The following TNS3 variants were observed in gnomAD, a reference collection of about 807,000 sequenced individuals.
The protein encoded by TNS3 is tensin-3.
A neutral mutation model predicts 140.9 loss-of-function variants in TNS3; 45 were observed. The ratio of observed to expected loss-of-function variants is 0.32; its 90% CI spans 0.25 to 0.41. The LOEUF (loss-of-function observed/expected upper bound fraction) is 0.41, where lower values mean the gene tolerates loss of function less well. Among genes scored for constraint, TNS3 ranks in the 10% least tolerant of loss-of-function variants. The pLI is 1.00. For missense variants in TNS3, 1,716 were observed against 1,906.7 expected (o/e 0.90, Z 1.86); for synonymous variants, 815 against 788.4 (o/e 1.03, Z -0.56).
chr7:47,390,466 C>T (rs949358503), intron 16 of TNS3, among the ~76,000 whole-genome samples: 1 of 152,184 alleles, frequency 6.6e-6, no homozygotes, highest in African/African-American at 2.4e-5. Context: ...TGTCTTATTG[C>T]GAAGGCTGCA....
Position 47,283,690 on chromosome 7 carries a change from C to A in TNS3, c.4097+7G>T. On this transcript the variant is annotated splice_region_variant and intron_variant, in intron 28 of 30. Coordinates refer to ENST00000311160, the MANE Select transcript of TNS3 (RefSeq NM_022748.12). ...TGGACGGCTCCTGCCTCCCTCTAGGCACTCACTTCCTCTGATTGTCTGTCA... is the reference window on the plus strand; with the variant it reads ...TGGACGGCTCCTGCCTCCCTCTAGGAACTCACTTCCTCTGATTGTCTGTCA... The A allele has an allele frequency of 1.3e-6, 2 of 1,550,650 alleles. No homozygotes were observed. Among genetic ancestry groups the A allele is most frequent in the Admixed American group, 2.0e-5 (1 of 51,248 alleles).
chr7:47,450,064 A>G (rs968050466), intron 4 of TNS3, among the ~76,000 whole-genome samples: 1 of 152,202 alleles, frequency 6.6e-6, no homozygotes, highest in Non-Finnish European at 1.5e-5. Flanking sequence ...TCTGCACACA[A>G]TAGCCACCCA....
At position 47,280,258 on chromosome 7, in the gene TNS3, T is replaced by C. The variant is rs759447355; in HGVS notation, c.4166+28A>G. Reference sequence around the variant, plus strand: ...TAAAGGATAGAATTAAGTACACTCCTTGCTCAATAAAAATGCAAATTTCTT... The same window carrying C: ...TAAAGGATAGAATTAAGTACACTCCCTGCTCAATAAAAATGCAAATTTCTT... On this transcript the variant is annotated intron_variant, in intron 29 of 30. Transcript: ENST00000311160. 3 of 1,614,098 alleles carry C rather than the reference T, an allele frequency of 1.9e-6. No individual in the cohort carries two copies. The South Asian group carries it at 3.3e-5, about 18-fold the overall frequency.
intron 3 of TNS3, among the ~76,000 whole-genome samples, chr7:47,499,703 G>A (rs1282534926): frequency 6.6e-6 from 1 of 152,200 alleles, no homozygotes; most frequent in Non-Finnish European, 1.5e-5. Flanking sequence ...GCGGCTGCCG[G>A]GGTGCAGGAG....
intron 7 of TNS3, 128 bp downstream of exon 7, chr7:47,437,135 A>G: frequency 3.5e-6 from 2 of 577,862 alleles, no homozygotes; most frequent in Non-Finnish European, 3.0e-6. Context: ...AAAATAATTG[A>G]TATGAACAAT....
intron 4 of TNS3, among the ~76,000 whole-genome samples, chr7:47,477,217 G>T (rs996841334): frequency 1.3e-5 from 2 of 152,186 alleles, no homozygotes; most frequent in Non-Finnish European, 2.9e-5. Context: ...AGGCCCAGGG[G>T]TTTCAAAACA....
intron 3 of TNS3, 168 bp from the exon 4 acceptor site, chr7:47,481,309 G>A: frequency 2.3e-6 from 1 of 438,076 alleles, no homozygotes; most frequent in Non-Finnish European, 3.9e-6. Context: ...GAGAGTCCAG[G>A]GTTTTGTTCA....
At chr7:47,478,496 G>A (rs1562788332) in intron 4 of TNS3, among the ~76,000 whole-genome samples, 1 of 151,216 alleles carries the variant, frequency 6.6e-6, no homozygotes, top group Non-Finnish European at 1.5e-5. Flanking sequence ...TTCACACACA[G>A]GTAACAATTA....
At chr7:47,431,463 C>T (rs560544062) in intron 8 of TNS3, among the ~76,000 whole-genome samples, 4 of 152,146 alleles carry the variant, frequency 2.6e-5, no homozygotes, top group Admixed American at 1.3e-4. Flanking sequence ...TGTGGTGGCA[C>T]GTGCCTGTAA....
chr7:47,308,731 A>G (rs1786902476), intron 20 of TNS3, among the ~76,000 whole-genome samples: 1 of 152,162 alleles, frequency 6.6e-6, no homozygotes, highest in Non-Finnish European at 1.5e-5. Flanking sequence ...CCTTCTGTAT[A>G]TCACTCAATG....
At chr7:47,398,770 G>A (rs181482582) in intron 15 of TNS3, among the ~76,000 whole-genome samples, 7 of 152,192 alleles carry the variant, frequency 4.6e-5, no homozygotes, top group Non-Finnish European at 1.5e-5. Flanking sequence ...AACAAGACAA[G>A]GATGCCTACC....
In TNS3 at chr7:47,506,954, A is replaced by T. The variant is rs1798440753; in HGVS notation, c.-152-10T>A. 1.6e-6 allele frequency: 2 copies of T among 1,288,450 alleles called. No individual in the cohort carries two copies. Among genetic ancestry groups the T allele is most frequent in the African/African-American group, 1.5e-5 (1 of 65,772 alleles). 79.8% of individuals were successfully genotyped at this position (1,288,450 alleles called of 1,614,324 possible). ...CAGGAATACTTGCAGGCTGGGAAAAAAAAAAAGAGAAAGAATGTGTGTCAA... is the reference window on the plus strand; with the variant it reads ...CAGGAATACTTGCAGGCTGGGAAAATAAAAAAGAGAAAGAATGTGTGTCAA... On this transcript the variant is annotated splice_polypyrimidine_tract_variant and intron_variant, in intron 2 of 30. Coordinates refer to ENST00000311160, the MANE Select transcript of TNS3 (RefSeq NM_022748.12).
rs150834578 is a variant in TNS3, at chr7:47,426,582, CACA to C, written c.389+1727_389+1729del. Among the ~76,000 whole-genome samples, 1,099 of 152,234 alleles carry C rather than the reference CACA, an allele frequency of 7.2e-3. 2 individuals carry two copies. The highest frequency in any genetic ancestry group is 0.012 in the Non-Finnish European group (790 of 68,024). Reference sequence around the variant, plus strand: ...TTTTGTGTAACATATGTTGAACTGTCACAACATTCTGGGAAGTAGAGCTACCAT... The same window carrying C: ...TTTTGTGTAACATATGTTGAACTGTCACATTCTGGGAAGTAGAGCTACCAT... On this transcript the variant is annotated intron_variant, in intron 9 of 30. Coordinates refer to ENST00000311160, the MANE Select transcript of TNS3 (RefSeq NM_022748.12).
intron 1 of TNS3, among the ~76,000 whole-genome samples, chr7:47,565,238 C>T (rs1311262682): frequency 2.6e-5 from 4 of 151,282 alleles, no homozygotes; most frequent in East Asian, 3.9e-4. Flanking sequence ...CCACCAAGCC[C>T]GGCTAATTTT....
Position 47,363,036 on chromosome 7 carries a change from TCAA to T in TNS3, c.2281+5326_2281+5328del, listed in dbSNP as rs1345749573. Among the ~76,000 whole-genome samples the T allele has an allele frequency of 2.3e-3, 341 of 148,982 alleles. 22 individuals carry two copies. The highest frequency in any genetic ancestry group is 3.0e-3 in the East Asian group (15 of 4,936). On this transcript the variant is annotated intron_variant, in intron 17 of 30. Coordinates refer to ENST00000311160, the MANE Select transcript of TNS3 (RefSeq NM_022748.12). ...ATCATCAGGGTCATCACCATCACCA[TCAA>T]CATCATCACCACCATCACCGTCATC...
intron 17 of TNS3, among the ~76,000 whole-genome samples, chr7:47,355,942 C>A (rs1474042998): frequency 6.6e-6 from 1 of 152,192 alleles, no homozygotes; most frequent in Non-Finnish European, 1.5e-5. Flanking sequence ...TCACACACTT[C>A]ATGTCACTGC....
intron 20 of TNS3, among the ~76,000 whole-genome samples, chr7:47,321,194 C>T (rs1232642776): frequency 6.6e-6 from 1 of 152,230 alleles, no homozygotes; most frequent in African/African-American, 2.4e-5. Context: ...CCCGATTCTC[C>T]TCTCTTTGTG....
At chr7:47,442,409 T>G (rs1404021944) in intron 4 of TNS3, among the ~76,000 whole-genome samples, 1 of 152,250 alleles carries the variant, frequency 6.6e-6, no homozygotes, top group Non-Finnish European at 1.5e-5. Flanking sequence ...TCATGGCTGC[T>G]ATTATTTACT....
At chr7:47,577,209 G>A (rs1800695607) in intron 1 of TNS3, among the ~76,000 whole-genome samples, 1 of 152,214 alleles carries the variant, frequency 6.6e-6, no homozygotes, top group African/African-American at 2.4e-5. Flanking sequence ...CCGACAGGTT[G>A]CCGCTCGCTT....
Sources: gnomAD v4.1 joint callset for allele counts (sites outside exome capture counted in the v4.1 genomes callset) on GRCh38, gnomAD v4.1.1 for gene constraint, MANE v1.5 for transcripts, NCBI Gene and HGNC (gene_info 2026-07-23, HGNC 2026-07-21) for gene names.